DMXL2: variants seen among roughly 807,000 people sequenced by gnomAD.
DMXL2 encodes dmX-like protein 2.
In DMXL2, 103 loss-of-function variants were observed where a neutral mutation model predicts 331.1. That is an observed-to-expected ratio of 0.31 (90% CI 0.27 to 0.37). DMXL2 has a LOEUF of 0.37. Ranked by LOEUF, DMXL2 falls within the 10% of genes least tolerant of loss-of-function variation. DMXL2 has a pLI of 1.00. For missense variants in DMXL2, 3,171 were observed against 3,642.9 expected (o/e 0.87, Z 3.33); for synonymous variants, 1,281 against 1,252.1 (o/e 1.02, Z -0.49).
In DMXL2 at chr15:51,576,052, T is replaced by A. The variant is rs1317865985; in HGVS notation, c.213+4A>T. On this transcript the variant is annotated splice_donor_region_variant and intron_variant, in intron 2 of 43. Coordinates refer to ENST00000560891, the MANE Select transcript of DMXL2 (RefSeq NM_001378457.1). ...ACATTCAGTAAAGAAATTAAATCCC[T>A]TACTCTTCCTTGTTGGTTAGAACAC... 9 of 1,597,576 alleles carry A rather than the reference T, an allele frequency of 5.6e-6. No individual in the cohort carries two copies. In the Middle Eastern group the frequency reaches 5.0e-4, roughly 88 times the overall value.
intron 24 of DMXL2, 77 bp from the exon 25 acceptor site, chr15:51,480,216 T>C (rs2041908521): frequency 3.0e-6 from 4 of 1,343,210 alleles, no homozygotes; most frequent in Non-Finnish European, 3.0e-6. Context: ...ATACTGGTGA[T>C]AAACATTGTG....
At chr15:51,514,377 G>C in intron 15 of DMXL2, 65 bp downstream of exon 15, 1 of 947,766 alleles carries the variant, frequency 1.1e-6, no homozygotes, top group Admixed American at 2.5e-5. Context: ...TCCATACTCA[G>C]TGAAAACTTA....
chr15:51,592,106 T>C (rs2052400284), intron 1 of DMXL2, among the ~76,000 whole-genome samples: 1 of 151,518 alleles, frequency 6.6e-6, no homozygotes, highest in African/African-American at 2.4e-5. Context: ...CTTCAGACGA[T>C]CAAACTACTC....
chr15:51,575,710 T>C (rs918983770), intron 2 of DMXL2, among the ~76,000 whole-genome samples: 1 of 152,142 alleles, frequency 6.6e-6, no homozygotes, highest in Non-Finnish European at 1.5e-5. Context: ...GATGTTATAG[T>C]ATGAGTGATA....
Position 51,487,646 on chromosome 15 carries a change from T to C in DMXL2, c.5217+308A>G, listed in dbSNP as rs571907808. On this transcript the variant is annotated intron_variant, in intron 22 of 43. Transcript: ENST00000560891. ...CTAATTTTTGTATTTTTAGTAGAGA[T>C]AGAGTTTTGCTATGTTGGCCAGGCT... is the stretch of plus-strand genomic sequence containing the variant. Among the ~76,000 whole-genome samples, 16 of 152,142 alleles carry C rather than the reference T, an allele frequency of 1.1e-4. No individual in the cohort carries two copies. In the South Asian group the frequency reaches 1.7e-3, roughly 16 times the overall value.
intron 1 of DMXL2, among the ~76,000 whole-genome samples, chr15:51,610,965 C>T (rs1377454861): frequency 6.6e-6 from 1 of 152,008 alleles, no homozygotes; most frequent in Non-Finnish European, 1.5e-5. Context: ...TTAAAAACAG[C>T]TTTGTAGAAT....
At chr15:51,467,022 CA>C (rs1388589783) in intron 29 of DMXL2, among the ~76,000 whole-genome samples, 2 of 151,656 alleles carry the variant, frequency 1.3e-5, no homozygotes, top group Non-Finnish European at 2.9e-5. Flanking sequence ...CATCTTAAGT[CA>C]GTGGGAGAAA....
intron 33 of DMXL2, chr15:51,460,001 C>T (rs974096462): frequency 1.7e-5 from 17 of 984,496 alleles, no homozygotes; most frequent in Non-Finnish European, 2.1e-5. Flanking sequence ...GCAGAAGATG[C>T]TACATAAATT....
At chr15:51,592,283 T>C (rs1211440325) in intron 1 of DMXL2, among the ~76,000 whole-genome samples, 1 of 152,038 alleles carries the variant, frequency 6.6e-6, no homozygotes, top group Non-Finnish European at 1.5e-5. Context: ...CAAGCCTCAG[T>C]CGCTGATTCG....
chr15:51,565,087 C>A lies in DMXL2; in HGVS notation c.364+1G>T. 6.6e-7 allele frequency: 1 copy of A among 1,512,544 alleles called. No individual in the cohort carries two copies. The highest frequency in any genetic ancestry group is 8.8e-7 in the Non-Finnish European group (1 of 1,131,502). 93.7% of individuals were successfully genotyped at this position (1,512,544 alleles called of 1,614,324 possible). A position where few individuals can be genotyped will look rare whatever the true frequency, so the allele number is the denominator to read the frequency against. ...TAATTTTAAATACAATTGCTAAATACCTTGAGGATCCCATGCTAAGTTGTA... is the reference window on the plus strand; with the variant it reads ...TAATTTTAAATACAATTGCTAAATAACTTGAGGATCCCATGCTAAGTTGTA... On this transcript the variant is annotated splice_donor_variant, in intron 4 of 43. Transcript: ENST00000560891. LOFTEE classifies it high-confidence loss of function.
intron 11 of DMXL2, among the ~76,000 whole-genome samples, chr15:51,537,095 G>A (rs868792363): frequency 9.9e-5 from 15 of 152,110 alleles, no homozygotes; most frequent in African/African-American, 2.9e-4. Flanking sequence ...AATGACCACA[G>A]CCACAGATCT....
chr15:51,599,647 GGTCA>G (rs905951053), intron 1 of DMXL2, among the ~76,000 whole-genome samples: 38 of 152,036 alleles, frequency 2.5e-4, no homozygotes, highest in African/African-American at 8.9e-4. Flanking sequence ...ACATCTATGA[GGTCA>G]CACTAATGCC....
At chr15:51,547,477 G>A in intron 6 of DMXL2, 69 bp from the exon 7 acceptor site, 2 of 1,194,882 alleles carry the variant, frequency 1.7e-6, no homozygotes, top group Non-Finnish European at 1.1e-6. Flanking sequence ...GTGGTTTGAA[G>A]AAGTTTTAAA....
At chr15:51,530,326 A>C (rs2047930411) in intron 13 of DMXL2, among the ~76,000 whole-genome samples, 1 of 152,198 alleles carries the variant, frequency 6.6e-6, no homozygotes, top group Non-Finnish European at 1.5e-5. Flanking sequence ...TTACATCTGG[A>C]AACACCTAAA....
chr15:51,487,193 C>T (rs573863273), intron 22 of DMXL2, among the ~76,000 whole-genome samples: 2 of 152,124 alleles, frequency 1.3e-5, no homozygotes, highest in African/African-American at 2.4e-5. Flanking sequence ...CTCCTCACAT[C>T]GTTTTCTAAT....
chr15:51,589,444 T>C (rs2052120102), intron 1 of DMXL2, among the ~76,000 whole-genome samples: 1 of 152,208 alleles, frequency 6.6e-6, no homozygotes, highest in Non-Finnish European at 1.5e-5. Context: ...TGCTCTTACT[T>C]CAGTACATTT....
At chr15:51,557,445 C>G (rs2049672732) in intron 6 of DMXL2, among the ~76,000 whole-genome samples, 2 of 152,032 alleles carry the variant, frequency 1.3e-5, no homozygotes, top group African/African-American at 4.8e-5. Flanking sequence ...GATGTCAATT[C>G]TCCCCAAACT....
rs866293084 is a variant in DMXL2 at position 51,499,801 on chromosome 15, G to A, written c.3423C>T (p.Val1141=). Residue 1141 remains valine (V), a synonymous_variant, in exon 18 of 44, where the codon GTC becomes GTT. Transcript: ENST00000560891. ...TGCTATACACAAACAGATTACTGTC[G>A]ACGCTGACCCTTGAATCAAGTACAC... ...VGSVLDSRVS[V]DSNLFVYSKS... is the part of the protein sequence containing the mutation. 27 of 1,613,924 alleles carry A rather than the reference G, an allele frequency of 1.7e-5. 1 individual carries two copies. The Middle Eastern group carries it at 3.0e-3, about 177-fold the overall frequency.
At chr15:51,577,643 T>C (rs923767540) in intron 1 of DMXL2, among the ~76,000 whole-genome samples, 3 of 152,180 alleles carry the variant, frequency 2.0e-5, no homozygotes, top group East Asian at 3.8e-4. Flanking sequence ...TGCTAATTTT[T>C]AAAGTATAGT....
Sources: gnomAD v4.1 joint callset for allele counts (sites outside exome capture counted in the v4.1 genomes callset) on GRCh38, gnomAD v4.1.1 for gene constraint, MANE v1.5 for transcripts, NCBI Gene and HGNC (gene_info 2026-07-23, HGNC 2026-07-21) for gene names.